Variants in ZDHHC4 observed in about 807,000 individuals in gnomAD.
ZDHHC4 encodes palmitoyltransferase ZDHHC4.
ZDHHC4 carries 42 observed loss-of-function variants against 36.7 expected under a neutral mutation model. The observed-to-expected ratio is 1.14, with a 90% CI of 0.89 to 1.48. The LOEUF (loss-of-function observed/expected upper bound fraction) is 1.48, where lower values mean the gene tolerates loss of function less well. ZDHHC4 is among the 40% of genes most tolerant of loss of function. The pLI is 0.00. For synonymous variants in ZDHHC4, 189 were observed against 166.6 expected, an observed-to-expected ratio of 1.13 and a Z score of -1.03; for missense variants, 457 against 421.5, an observed-to-expected ratio of 1.08 and a Z score of -0.74.
At chr7:6,582,489 A>G (rs1355223751) in intron 5 of ZDHHC4, among the ~76,000 whole-genome samples, 2 of 151,974 alleles carry the variant, frequency 1.3e-5, no homozygotes, top group African/African-American at 2.4e-5. Flanking sequence ...GTTTTGTCAT[A>G]TATAGAGCAT....
At chr7:6,579,936 G>C (rs1391830329) in intron 2 of ZDHHC4, among the ~76,000 whole-genome samples, 1 of 151,958 alleles carries the variant, frequency 6.6e-6, no homozygotes, top group Non-Finnish European at 1.5e-5. Context: ...AAGAGTTCGA[G>C]ACCAGCCTGG....
At chr7:6,587,757 C>T (rs1403841607) in intron 7 of ZDHHC4, among the ~76,000 whole-genome samples, 6 of 152,324 alleles carry the variant, frequency 3.9e-5, no homozygotes, top group African/African-American at 1.4e-4. Context: ...CAGTGGCTCA[C>T]GCCTGTAATC....
At chr7:6,580,513 C>T (rs1403246064) in intron 2 of ZDHHC4, 42 bp from the exon 3 acceptor site, 6 of 1,543,048 alleles carry the variant, frequency 3.9e-6, no homozygotes, top group Non-Finnish European at 5.4e-6. Context: ...TGGAAGAAAC[C>T]TTTCAGTAGC....
chr7:6,580,704 G>A lies in ZDHHC4; in HGVS notation c.117+26G>A, dbSNP rs780532100. 2.5e-6 allele frequency: 4 copies of A among 1,600,446 alleles called. No homozygotes were observed. The East Asian group carries it at 8.9e-5, about 36-fold the overall frequency. On this transcript the variant is annotated intron_variant, in intron 3 of 7. Coordinates refer to ENST00000335965, the MANE Select transcript of ZDHHC4 (RefSeq NM_001134389.2). ...GTAAGGATGATCCTTGGATGGCACT[G>A]GAATTTGAATACTGTGTTAGTCTAA...
Position 6,588,729 on chromosome 7 carries a change from A to T in ZDHHC4, c.854A>T (p.Gln285Leu), listed in dbSNP as rs775175146. 6.2e-7 allele frequency: 1 copy of T among 1,614,092 alleles called. No homozygotes were observed. Among genetic ancestry groups the T allele is most frequent in the African/African-American group, 1.3e-5 (1 of 74,932 alleles). Residue 285 changes from glutamine to leucine, a missense_variant, in exon 8 of 8, where the codon CAG becomes CTG. By Grantham distance (113) the Gln-to-Leu change is moderately radical. Coordinates refer to ENST00000335965, the MANE Select transcript of ZDHHC4 (RefSeq NM_001134389.2). ...LFVLYLAATN[Q>L]TTNEWYRGDW... is the part of the protein sequence containing the mutation. ...GTCCTGTATCTGGCGGCCACCAACC[A>T]GACTACTAACGAGTGGTACAGAGGT... is the stretch of plus-strand genomic sequence containing the variant.
Position 6,581,620 on chromosome 7 carries a change from T to A in ZDHHC4, c.131T>A (p.Ile44Lys). ...ARGGAQIFSC[I>K]IPECLQRAVH... The stretch of plus-strand genomic sequence containing the variant: ...CTTTTGTTTCAGATATTTTCCTGTA[T>A]AATTCCAGAATGTCTTCAGAGAGCC... Residue 44 changes from isoleucine to lysine, a missense_variant, in exon 4 of 8, where the codon ATA becomes AAA. Transcript: ENST00000335965. 3.7e-6 allele frequency: 6 copies of A among 1,611,354 alleles called. No homozygotes were observed. The highest frequency in any genetic ancestry group is 5.1e-6 in the Non-Finnish European group (6 of 1,177,732).
At chr7:6,586,257 A>G (rs1014697321) in intron 7 of ZDHHC4, among the ~76,000 whole-genome samples, 1 of 152,134 alleles carries the variant, frequency 6.6e-6, no homozygotes, top group African/African-American at 2.4e-5. Flanking sequence ...CCTCACTACT[A>G]TCTAATTTCA....
At chr7:6,580,852 G>A in intron 3 of ZDHHC4, 174 bp downstream of exon 3, 1 of 628,668 alleles carries the variant, frequency 1.6e-6, no homozygotes, top group Middle Eastern at 4.3e-4. Flanking sequence ...GGAGTCTGAA[G>A]TTGCCATGAG....
intron 7 of ZDHHC4, 99 bp downstream of exon 7, chr7:6,585,359 C>A: frequency 6.7e-7 from 1 of 1,496,990 alleles, no homozygotes; most frequent in Non-Finnish European, 8.9e-7. Flanking sequence ...TGTGGTGGCT[C>A]ACGCCTATAA....
chr7:6,581,687 C>T lies in ZDHHC4; in HGVS notation c.191+7C>T, dbSNP rs1780865289. On this transcript the variant is annotated splice_region_variant and intron_variant, in intron 4 of 7. Coordinates refer to ENST00000335965, the MANE Select transcript of ZDHHC4 (RefSeq NM_001134389.2). Reference sequence around the variant, plus strand: ...ATTACCTTTTCCATACGAGGTATTTCTCTTTCAGAGTTTAAATATTCTCCT... The same window carrying T: ...ATTACCTTTTCCATACGAGGTATTTTTCTTTCAGAGTTTAAATATTCTCCT... 7 of 1,594,120 alleles carry T rather than the reference C, an allele frequency of 4.4e-6. No homozygotes were observed. Among genetic ancestry groups the T allele is most frequent in the Non-Finnish European group, 5.2e-6 (6 of 1,163,734 alleles).
intron 7 of ZDHHC4, 71 bp from the exon 8 acceptor site, chr7:6,588,546 G>T: frequency 6.5e-7 from 1 of 1,529,472 alleles, no homozygotes; most frequent in Non-Finnish European, 8.9e-7. Context: ...CAGGCCCAGG[G>T]TTGGCCAGTG....
At chr7:6,579,433 C>T (rs990079325) in intron 2 of ZDHHC4, among the ~76,000 whole-genome samples, 3 of 152,156 alleles carry the variant, frequency 2.0e-5, no homozygotes, top group African/African-American at 7.2e-5. Context: ...AACTCCTGAC[C>T]TCGTGATCCG....
chr7:6,587,584 C>T (rs1781327881), intron 7 of ZDHHC4, among the ~76,000 whole-genome samples: 1 of 152,134 alleles, frequency 6.6e-6, no homozygotes, highest in African/African-American at 2.4e-5. Context: ...CAGTGTAATC[C>T]TTACATCTTG....
Position 6,585,093 on chromosome 7 carries a change from A to C in ZDHHC4, c.574A>C (p.Arg192=). The C allele has an allele frequency of 6.2e-7, 1 of 1,614,090 alleles. No individual in the cohort carries two copies. The highest frequency in any genetic ancestry group is 1.1e-5 in the South Asian group (1 of 91,080). ...VNNCIGAWNI[R]YFLIYVLTLT... ...CAACTGCATCGGGGCCTGGAACATCAGGTACTTCCTCATCTACGTCTTGAC... is the reference window on the plus strand; with the variant it reads ...CAACTGCATCGGGGCCTGGAACATCCGGTACTTCCTCATCTACGTCTTGAC... The change falls in exon 7 of 8, where the codon AGG becomes CGG. Residue 192 remains arginine, a synonymous_variant. Coordinates refer to ENST00000335965, the MANE Select transcript of ZDHHC4 (RefSeq NM_001134389.2).
chr7:6,581,003 T>C (rs1780807788), intron 3 of ZDHHC4: 2 of 317,706 alleles, frequency 6.3e-6, no homozygotes, highest in African/African-American at 2.1e-5. Context: ...CCTCTGTCTG[T>C]GTGGGTTTTG....
rs1781153212 is a variant in ZDHHC4, at chr7:6,585,194, A to G, written c.675A>G (p.Leu225=). The G allele has an allele frequency of 3.7e-6, 6 of 1,614,184 alleles. No individual in the cohort carries two copies. Among genetic ancestry groups the G allele is most frequent in the South Asian group, 3.3e-5 (3 of 91,084 alleles). The stretch of plus-strand genomic sequence containing the variant: ...TCCACTTGGTGGTGATGTCAGATTT[A>G]TACCAGGAGACTTACATCGATGACC... ...FLVHLVVMSD[L]YQETYIDDLG... The change falls in exon 7 of 8, where the codon TTA becomes TTG. Residue 225 remains leucine (L), a synonymous_variant. Coordinates refer to ENST00000335965, the MANE Select transcript of ZDHHC4 (RefSeq NM_001134389.2).
Position 6,589,060 on chromosome 7 carries a change from T to G in ZDHHC4, c.*150T>G, listed in dbSNP as rs1192242226. 12 of 941,600 alleles carry G rather than the reference T, an allele frequency of 1.3e-5. No individual in the cohort carries two copies. The highest frequency in any genetic ancestry group is 1.6e-5 in the Non-Finnish European group (10 of 634,232). 58.3% of individuals were successfully genotyped at this position (941,600 alleles called of 1,614,324 possible). ...GAGAGAGGGGAAAATGGGTGTTGAC[T>G]GAGGAATCCCCCTTGCTTGTCTTCT... On this transcript the variant is annotated 3_prime_UTR_variant, in exon 8 of 8. Transcript: ENST00000335965.
chr7:6,585,222 G>C lies in ZDHHC4; in HGVS notation c.703G>C (p.Gly235Arg), dbSNP rs1356344905. The C allele has an allele frequency of 6.2e-7, 1 of 1,614,104 alleles. No homozygotes were observed. Among genetic ancestry groups the C allele is most frequent in the Non-Finnish European group, 8.5e-7 (1 of 1,180,012 alleles). ...LYQETYIDDL[G>R]HLHVMDTVFL... Reference sequence around the variant, plus strand: ...CCAGGAGACTTACATCGATGACCTTGGACACCTCCATGTTATGGACACGGT... The same window carrying C: ...CCAGGAGACTTACATCGATGACCTTCGACACCTCCATGTTATGGACACGGT... The change falls in exon 7 of 8, where the codon GGA becomes CGA. Residue 235 changes from glycine to arginine, a missense_variant. Transcript: ENST00000335965.
At chr7:6,583,039 T>C (rs1418180703) in intron 5 of ZDHHC4, among the ~76,000 whole-genome samples, 3 of 152,104 alleles carry the variant, frequency 2.0e-5, no homozygotes, top group Non-Finnish European at 4.4e-5. Flanking sequence ...TAGCCACGCG[T>C]GCATTAGCAC....
Sources: gnomAD v4.1 joint callset for allele counts (sites outside exome capture counted in the v4.1 genomes callset) on GRCh38, gnomAD v4.1.1 for gene constraint, MANE v1.5 for transcripts, NCBI Gene and HGNC (gene_info 2026-07-23, HGNC 2026-07-21) for gene names.